FAM163A: variants seen among roughly 807,000 people sequenced by gnomAD.
The protein encoded by FAM163A is family with sequence similarity 163 member A.
Under a neutral mutation model 12.0 loss-of-function variants are expected in FAM163A, and 7 were observed. That is an observed-to-expected ratio of 0.58 (90% confidence interval 0.33 to 1.10). The LOEUF (loss-of-function observed/expected upper bound fraction) is 1.10, where lower values mean the gene tolerates loss of function less well. Ranked by LOEUF, FAM163A falls within the 50% of genes least tolerant of loss-of-function variation. The pLI is 0.03. For synonymous variants in FAM163A, 101 were observed against 91.0 expected, an observed-to-expected ratio of 1.11 and a Z score of -0.62; for missense variants, 202 against 218.6, an observed-to-expected ratio of 0.92 and a Z score of 0.48.
chr1:179,810,915 C>T (rs1303756723), intron 2 of FAM163A, among the ~76,000 whole-genome samples: 4 of 151,960 alleles, frequency 2.6e-5, no homozygotes, highest in East Asian at 1.9e-4. Flanking sequence ...TGGGGTTGCA[C>T]GTCTATAATC....
In FAM163A at chr1:179,813,883, C is replaced by T. The variant is rs1275868448; in HGVS notation, c.198C>T (p.Ser66=). ...HPRGPTCNAC[S]SQALDGRGSL... ...GAGGCCCCACCTGCAATGCCTGCAG[C>T]TCCCAAGCCCTGGACGGCAGAGGCA... The change falls in exon 5 of 5, where the codon AGC becomes AGT. Residue 66 remains serine (S), a synonymous_variant. Coordinates refer to ENST00000341785, the MANE Select transcript of FAM163A (RefSeq NM_173509.3). 3.1e-6 allele frequency: 5 copies of T among 1,613,886 alleles called. No homozygotes were observed. Among genetic ancestry groups the T allele is most frequent in the African/African-American group, 1.3e-5 (1 of 74,936 alleles).
rs1557885260 is a variant in FAM163A, at chr1:179,745,012, G to T, written c.-136+1589G>T. Among the ~76,000 whole-genome samples, 6 of 152,348 alleles carry T rather than the reference G, an allele frequency of 3.9e-5. No individual in the cohort carries two copies. In the South Asian group the frequency reaches 1.2e-3, roughly 32 times the overall value. On this transcript the variant is annotated intron_variant, in intron 1 of 4. Coordinates refer to ENST00000341785, the MANE Select transcript of FAM163A (RefSeq NM_173509.3). ...TGCATGTAACAGACGTTCAGACCCT[G>T]AAAGAGGTGGACCCCGGGGAAGGAA...
At chr1:179,785,547 G>C (rs1015894550) in intron 1 of FAM163A, among the ~76,000 whole-genome samples, 1 of 152,082 alleles carries the variant, frequency 6.6e-6, no homozygotes, top group African/African-American at 2.4e-5. Flanking sequence ...TTTTGTTTTG[G>C]GGGAGTGGGG....
chr1:179,803,568 T>C (rs1571562986), intron 1 of FAM163A, among the ~76,000 whole-genome samples: 1 of 152,128 alleles, frequency 6.6e-6, no homozygotes, highest in Non-Finnish European at 1.5e-5. Context: ...CCCCCATTTT[T>C]TTTTTATTTT....
upstream of FAM163A, among the ~76,000 whole-genome samples, chr1:179,738,555 G>A (rs1251471195): frequency 2.0e-5 from 3 of 152,084 alleles, no homozygotes; most frequent in Non-Finnish European, 4.4e-5. Context: ...TGCAAAGCTG[G>A]TTCAACTTTC....
chr1:179,791,661 C>G (rs966474456), intron 1 of FAM163A, among the ~76,000 whole-genome samples: 2 of 152,228 alleles, frequency 1.3e-5, no homozygotes, highest in Admixed American at 6.5e-5. Flanking sequence ...TTTCATTTAA[C>G]AGTTGCTAAC....
intron 4 of FAM163A, among the ~76,000 whole-genome samples, 193 bp downstream of exon 4, chr1:179,813,383 T>A (rs1694968168): frequency 6.6e-6 from 1 of 152,138 alleles, no homozygotes; most frequent in Non-Finnish European, 1.5e-5. Context: ...GCCTGCCCAC[T>A]CAGAGCACAC....
At chr1:179,759,386 A>G (rs2148034397) in intron 1 of FAM163A, among the ~76,000 whole-genome samples, 1 of 152,276 alleles carries the variant, frequency 6.6e-6, no homozygotes, top group South Asian at 2.1e-4. Flanking sequence ...GCTCTGGAGA[A>G]AACAAGCAGG....
intron 1 of FAM163A, among the ~76,000 whole-genome samples, chr1:179,788,749 A>C (rs1006455053): frequency 6.6e-6 from 1 of 152,232 alleles, no homozygotes; most frequent in Non-Finnish European, 1.5e-5. Flanking sequence ...GCAGGGTTGC[A>C]GCTTTGCGGA....
intron 1 of FAM163A, among the ~76,000 whole-genome samples, chr1:179,764,883 A>T (rs533145213): frequency 6.6e-6 from 1 of 152,250 alleles, no homozygotes; most frequent in Admixed American, 6.5e-5. Context: ...TTGCTGTGTG[A>T]ATTATATAAA....
intron 1 of FAM163A, among the ~76,000 whole-genome samples, chr1:179,806,972 T>C (rs1457344730): frequency 6.6e-6 from 1 of 151,970 alleles, no homozygotes; most frequent in African/African-American, 2.4e-5. Flanking sequence ...CACGGTGGCA[T>C]GTGCCTGTAG....
chr1:179,797,116 T>C (rs548084899), intron 1 of FAM163A, among the ~76,000 whole-genome samples: 9 of 152,336 alleles, frequency 5.9e-5, no homozygotes, highest in African/African-American at 2.2e-4. Context: ...GTCGCAGGAC[T>C]GCCCCCTGCA....
chr1:179,749,855 TC>T (rs1685026982), intron 1 of FAM163A, among the ~76,000 whole-genome samples: 1 of 140,794 alleles, frequency 7.1e-6, no homozygotes, highest in South Asian at 2.3e-4. Context: ...TGAAACTCTG[TC>T]AAAAAAATAA....
chr1:179,737,619 A>T, the FAM163A span, among the ~76,000 whole-genome samples: 1 of 152,262 alleles, frequency 6.6e-6, no homozygotes, highest in South Asian at 2.1e-4. Context: ...GCAGATCACA[A>T]GGTCAGGAGA....
chr1:179,751,848 T>A (rs1685320948), intron 1 of FAM163A, among the ~76,000 whole-genome samples: 2 of 152,292 alleles, frequency 1.3e-5, no homozygotes, highest in South Asian at 4.2e-4. Context: ...TGTTCATAGA[T>A]TGGAAGATTT....
the FAM163A span, among the ~76,000 whole-genome samples, chr1:179,733,723 A>C: frequency 1.3e-5 from 2 of 152,164 alleles, no homozygotes; most frequent in African/African-American, 4.8e-5. Flanking sequence ...AAACAGGCAC[A>C]AAGACAACTC....
At chr1:179,795,351 GA>G (rs1429734543) in intron 1 of FAM163A, among the ~76,000 whole-genome samples, 1 of 152,180 alleles carries the variant, frequency 6.6e-6, no homozygotes, top group Non-Finnish European at 1.5e-5. Context: ...TCATGTGCTG[GA>G]AATTTAATTG....
At chr1:179,751,279 T>G (rs898284556) in intron 1 of FAM163A, among the ~76,000 whole-genome samples, 24 of 151,422 alleles carry the variant, frequency 1.6e-4, no homozygotes, top group Admixed American at 1.5e-3. Flanking sequence ...AAACCTCAAG[T>G]AGAAGAGGGT....
At chr1:179,751,101 G>A (rs1685212589) in intron 1 of FAM163A, among the ~76,000 whole-genome samples, 2 of 152,146 alleles carry the variant, frequency 1.3e-5, no homozygotes, top group Non-Finnish European at 2.9e-5. Context: ...AACCATCTGA[G>A]TGGATGGGTC....
Sources: allele counts gnomAD v4.1 joint callset (sites outside exome capture counted in the v4.1 genomes callset), GRCh38; gene constraint gnomAD v4.1.1; transcripts MANE v1.5; gene names NCBI Gene and HGNC (gene_info 2026-07-23, HGNC 2026-07-21).